The following SASH1 variants were observed in gnomAD, a reference collection of about 807,000 sequenced individuals.
The protein encoded by SASH1 is SAM and SH3 domain-containing protein 1.
Under a neutral mutation model 125.2 loss-of-function variants are expected in SASH1, and 44 were observed. That is an observed-to-expected ratio of 0.35 (90% confidence interval 0.28 to 0.45). The LOEUF (loss-of-function observed/expected upper bound fraction) is 0.45, where lower values mean the gene tolerates loss of function less well. Among genes scored for constraint, SASH1 ranks in the 20% least tolerant of loss-of-function variants. SASH1 has a pLI of 1.00. For missense variants in SASH1, 1,426 were observed against 1,614.5 expected, an observed-to-expected ratio of 0.88 and a Z score of 2.00; for synonymous variants, 639 against 649.1, an observed-to-expected ratio of 0.98 and a Z score of 0.24.
At chr6:148,217,532 C>T in the SASH1 span, among the ~76,000 whole-genome samples, 5 of 152,270 alleles carry the variant, frequency 3.3e-5, no homozygotes, top group South Asian at 4.1e-4. Context: ...ATCCAGATCA[C>T]ACAGCCAGCA....
chr6:148,263,686 T>C, the SASH1 span, among the ~76,000 whole-genome samples: 1 of 144,240 alleles, frequency 6.9e-6, no homozygotes, highest in African/African-American at 2.6e-5. Context: ...CATGGAAATA[T>C]GCTTTGCATT....
chr6:148,241,313 C>G, the SASH1 span, among the ~76,000 whole-genome samples: 7 of 152,178 alleles, frequency 4.6e-5, no homozygotes, highest in Non-Finnish European at 1.0e-4. Context: ...AGTCACTCAG[C>G]CTACCTGAAA....
the SASH1 span, among the ~76,000 whole-genome samples, chr6:148,208,219 G>A: frequency 6.6e-6 from 1 of 152,166 alleles, no homozygotes; most frequent in Admixed American, 6.5e-5. Flanking sequence ...CTCTTCTCTA[G>A]CCACTTAATG....
At chr6:148,204,424 G>A in the SASH1 span, among the ~76,000 whole-genome samples, 1 of 152,162 alleles carries the variant, frequency 6.6e-6, no homozygotes, top group African/African-American at 2.4e-5. Flanking sequence ...GGGTGCAGTG[G>A]CTCACATCTG....
intron 8 of SASH1, among the ~76,000 whole-genome samples, chr6:148,505,567 TC>T (rs749792556): frequency 6.6e-5 from 10 of 152,098 alleles, no homozygotes; most frequent in Admixed American, 6.5e-4. Flanking sequence ...TGCCTTGGCC[TC>T]CCAAAGTGCT....
At chr6:148,260,929 C>T in the SASH1 span, among the ~76,000 whole-genome samples, 2 of 151,416 alleles carry the variant, frequency 1.3e-5, no homozygotes, top group Non-Finnish European at 2.9e-5. Flanking sequence ...CTCAGCCTCC[C>T]GAGTAGCTGG....
intron 4 of SASH1, among the ~76,000 whole-genome samples, chr6:148,462,896 G>C (rs1218973787): frequency 6.6e-6 from 1 of 152,128 alleles, no homozygotes. Flanking sequence ...TGCCCAGCAC[G>C]ATTGGACCTC....
At chr6:148,402,701 G>A (rs1042259541) in intron 2 of SASH1, among the ~76,000 whole-genome samples, 2 of 150,928 alleles carry the variant, frequency 1.3e-5, no homozygotes, top group East Asian at 2.0e-4. Flanking sequence ...TGCAAGCTCC[G>A]CCTCCCGGGT....
chr6:148,229,056 C>G, the SASH1 span, among the ~76,000 whole-genome samples: 2 of 140,526 alleles, frequency 1.4e-5, no homozygotes, highest in Non-Finnish European at 3.0e-5. Flanking sequence ...ACCACTTGAA[C>G]CTGGGAGGCA....
At chr6:148,431,223 C>T (rs1225126707) in intron 2 of SASH1, among the ~76,000 whole-genome samples, 2 of 150,566 alleles carry the variant, frequency 1.3e-5, no homozygotes, top group Non-Finnish European at 3.0e-5. Flanking sequence ...TTTTTTGAGA[C>T]GGAGTCACTC....
At chr6:148,425,110 G>C (rs948191009) in intron 2 of SASH1, among the ~76,000 whole-genome samples, 1 of 152,170 alleles carries the variant, frequency 6.6e-6, no homozygotes, top group Non-Finnish European at 1.5e-5. Flanking sequence ...TCATGGAAGA[G>C]ATGAATTGAA....
chr6:148,423,436 A>G (rs1775663353), intron 2 of SASH1, among the ~76,000 whole-genome samples: 1 of 152,244 alleles, frequency 6.6e-6, no homozygotes, highest in Non-Finnish European at 1.5e-5. Context: ...GTTAAATGTC[A>G]TGATAGCACC....
chr6:148,300,299 ACTCT>A (rs1299512864), intron 1 of SASH1, among the ~76,000 whole-genome samples: 1 of 151,958 alleles, frequency 6.6e-6, no homozygotes, highest in East Asian at 1.9e-4. Flanking sequence ...AAAGTTATCC[ACTCT>A]GACTTTCCTG....
At chr6:148,454,340 G>A (rs180763878) in intron 4 of SASH1, among the ~76,000 whole-genome samples, 2 of 152,128 alleles carry the variant, frequency 1.3e-5, no homozygotes, top group East Asian at 1.9e-4. Context: ...GGTGAAGCAC[G>A]GAAAAAAAAG....
chr6:148,479,409 G>A (rs1774805169), intron 7 of SASH1: 1 of 206,616 alleles, frequency 4.8e-6, no homozygotes, highest in Non-Finnish European at 1.0e-5. Context: ...GTCATCTCAG[G>A]ACACCTGCGT....
chr6:148,260,010 T>G, the SASH1 span, among the ~76,000 whole-genome samples: 1 of 152,136 alleles, frequency 6.6e-6, no homozygotes, highest in South Asian at 2.1e-4. Context: ...CTCAGCCTCC[T>G]GAGTAGCTAG....
At chr6:148,428,350 C>T (rs114805362) in intron 2 of SASH1, among the ~76,000 whole-genome samples, 2,246 of 152,234 alleles carry the variant, frequency 0.015, 41 homozygotes, top group African/African-American at 0.047. Context: ...ACTATCAGGC[C>T]GGGTGCGGTG....
chr6:148,264,935 G>A, the SASH1 span, among the ~76,000 whole-genome samples: 1 of 152,200 alleles, frequency 6.6e-6, no homozygotes, highest in Non-Finnish European at 1.5e-5. Context: ...TAGGGGCCTT[G>A]GCCATTATAT....
At chr6:148,227,155 A>G in the SASH1 span, among the ~76,000 whole-genome samples, 1 of 152,160 alleles carries the variant, frequency 6.6e-6, no homozygotes, top group Non-Finnish European at 1.5e-5. Flanking sequence ...AAAATGAGCA[A>G]TCTAGAATTT....
Sources: gnomAD v4.1 joint callset for allele counts (sites outside exome capture counted in the v4.1 genomes callset) on GRCh38, gnomAD v4.1.1 for gene constraint, MANE v1.5 for transcripts, NCBI Gene and HGNC (gene_info 2026-07-23, HGNC 2026-07-21) for gene names.